Variants in SNTG1 observed in about 807,000 individuals in gnomAD.
SNTG1 encodes gamma-1-syntrophin.
In SNTG1, 39 loss-of-function variants were observed where a neutral mutation model predicts 74.7. The ratio of observed to expected loss-of-function variants is 0.52; its 90% confidence interval spans 0.40 to 0.68. SNTG1 has a LOEUF of 0.68. SNTG1 is among the 30% of genes least tolerant of loss of function. SNTG1 has a pLI of 0.00. For missense variants in SNTG1, 685 were observed against 609.5 expected (o/e 1.12, Z -1.30); for synonymous variants, 254 against 217.1 (o/e 1.17, Z -1.49).
At chr8:50,018,809 T>C (rs187693215) in intron 1 of SNTG1, among the ~76,000 whole-genome samples, 2 of 152,114 alleles carry the variant, frequency 1.3e-5, no homozygotes. Context: ...AAGATGGTTA[T>C]AAACAAAGAA....
At chr8:50,512,151 A>G (rs1316717138) in intron 9 of SNTG1, among the ~76,000 whole-genome samples, 2 of 151,830 alleles carry the variant, frequency 1.3e-5, no homozygotes, top group Non-Finnish European at 2.9e-5. Flanking sequence ...TCTGTAAAGT[A>G]TTTTATTTCT....
chr8:50,594,006 C>T (rs2094710295), intron 13 of SNTG1, among the ~76,000 whole-genome samples: 1 of 152,190 alleles, frequency 6.6e-6, no homozygotes, highest in African/African-American at 2.4e-5. Context: ...GCATGAGCCA[C>T]AACACCCAAC....
rs142807298 is a variant in SNTG1 at position 50,299,708 on chromosome 8, G to A, written c.-27-94504G>A. 6.0e-3 allele frequency among the ~76,000 whole-genome samples: 919 copies of A among 152,070 alleles called. 40 individuals are homozygous for A. The highest frequency in any genetic ancestry group is 0.056 in the Admixed American group (852 of 15,246). On this transcript the variant is annotated intron_variant, in intron 2 of 18. Coordinates refer to ENST00000642720, the MANE Select transcript of SNTG1 (RefSeq NM_018967.5). Reference sequence around the variant, plus strand: ...TATTAGAGAGGGATTTTACATTTTTGTACTAAACCTTGTCTGTACCATATT... The same window carrying A: ...TATTAGAGAGGGATTTTACATTTTTATACTAAACCTTGTCTGTACCATATT...
intron 13 of SNTG1, among the ~76,000 whole-genome samples, chr8:50,614,536 G>C (rs1419572949): frequency 6.6e-6 from 1 of 152,054 alleles, no homozygotes; most frequent in African/African-American, 2.4e-5. Flanking sequence ...TTGACGTATA[G>C]TAGAATGCTA....
intron 2 of SNTG1, among the ~76,000 whole-genome samples, chr8:50,176,120 G>GT (rs1021423994): frequency 2.3e-4 from 35 of 151,592 alleles, no homozygotes; most frequent in South Asian, 4.2e-4. Context: ...TTAATACATA[G>GT]TTTTTTTTTG....
chr8:50,353,135 C>T (rs1382654651), intron 2 of SNTG1, among the ~76,000 whole-genome samples: 1 of 151,950 alleles, frequency 6.6e-6, no homozygotes, highest in Non-Finnish European at 1.5e-5. Flanking sequence ...AACCATCATT[C>T]TGAGCAAACT....
chr8:50,628,056 C>T (rs901905765), intron 13 of SNTG1, among the ~76,000 whole-genome samples: 6 of 152,156 alleles, frequency 3.9e-5, no homozygotes, highest in Non-Finnish European at 8.8e-5. Flanking sequence ...CTGAAGCTGC[C>T]TAGGGGCTAC....
chr8:49,967,996 G>T (rs1475958630), intron 1 of SNTG1, among the ~76,000 whole-genome samples: 1 of 152,120 alleles, frequency 6.6e-6, no homozygotes, highest in East Asian at 1.9e-4. Context: ...ATCCTTCAGT[G>T]TCTTGCAGTA....
intron 1 of SNTG1, among the ~76,000 whole-genome samples, chr8:50,002,107 T>C (rs1814794209): frequency 6.6e-6 from 1 of 152,180 alleles, no homozygotes; most frequent in Admixed American, 6.6e-5. Context: ...GTCTTATTAC[T>C]GAATCTCTAG....
At chr8:50,548,521 T>C (rs1177547063) in intron 11 of SNTG1, among the ~76,000 whole-genome samples, 1 of 152,170 alleles carries the variant, frequency 6.6e-6, no homozygotes, top group East Asian at 1.9e-4. Flanking sequence ...ATGGACTTGT[T>C]TGTTTTTGTT....
chr8:50,553,258 T>A, intron 12 of SNTG1, 79 bp downstream of exon 12: 3 of 1,535,952 alleles, frequency 2.0e-6, no homozygotes, highest in Non-Finnish European at 2.7e-6. Context: ...TAACTTCACA[T>A]CAACTGTTTG....
chr8:50,780,666 T>A (rs2095656502), intron 18 of SNTG1, among the ~76,000 whole-genome samples: 1 of 152,096 alleles, frequency 6.6e-6, no homozygotes, highest in Admixed American at 6.6e-5. Context: ...TCCTGGATTC[T>A]TTAATTTTTT....
chr8:50,781,783 C>T (rs911778483), intron 18 of SNTG1, among the ~76,000 whole-genome samples: 1 of 152,160 alleles, frequency 6.6e-6, no homozygotes, highest in Non-Finnish European at 1.5e-5. Context: ...TTCGTTGATG[C>T]AGTTTCTTCC....
rs1161184080 is a variant in SNTG1, at chr8:50,317,055, A to G, written c.-27-77157A>G. ...TGAGTGATTGTCACTGAAGCCCAAG[A>G]TAAATGGGGAGGAGAAGGAAAAGCT... On this transcript the variant is annotated intron_variant, in intron 2 of 18. Coordinates refer to ENST00000642720, the MANE Select transcript of SNTG1 (RefSeq NM_018967.5). 2.6e-5 allele frequency among the ~76,000 whole-genome samples: 4 copies of G among 152,332 alleles called. No individual in the cohort carries two copies. In the East Asian group the frequency reaches 7.7e-4, roughly 29 times the overall value.
intron 2 of SNTG1, among the ~76,000 whole-genome samples, chr8:50,369,772 T>C (rs1275900421): frequency 6.6e-6 from 1 of 152,092 alleles, no homozygotes; most frequent in Non-Finnish European, 1.5e-5. Flanking sequence ...GAGTGATACA[T>C]TTTTGTTGTT....
intron 1 of SNTG1, among the ~76,000 whole-genome samples, chr8:50,154,570 A>ATG: frequency 6.6e-6 from 1 of 152,186 alleles, no homozygotes; most frequent in Admixed American, 6.5e-5. Context: ...GGCAAGGTAT[A>ATG]TGTTACCAGA....
In SNTG1 at chr8:50,373,806, T is replaced by C. The variant is rs117200191; in HGVS notation, c.-27-20406T>C. ...TGGTGACAATAACTGTGAAGTCACC[T>C]GGGCTATGTTAAGGCTGACTCCACA... is the stretch of plus-strand genomic sequence containing the variant. On this transcript the variant is annotated intron_variant, in intron 2 of 18. Coordinates refer to ENST00000642720, the MANE Select transcript of SNTG1 (RefSeq NM_018967.5). Among the ~76,000 whole-genome samples, 1,231 of 152,220 alleles carry C rather than the reference T, an allele frequency of 8.1e-3. 10 individuals are homozygous for C. Among genetic ancestry groups the C allele is most frequent in the Non-Finnish European group, 0.01 (706 of 68,014 alleles).
chr8:50,607,935 A>T (rs2094824389), intron 13 of SNTG1, among the ~76,000 whole-genome samples: 1 of 151,622 alleles, frequency 6.6e-6, no homozygotes, highest in South Asian at 2.1e-4. Flanking sequence ...TAGTTTCTTA[A>T]TTTGCCTGTA....
intron 15 of SNTG1, among the ~76,000 whole-genome samples, chr8:50,660,426 G>GAAAGGAAGAAAGAAAGAAAGAAAGAAAGA (rs373288755): frequency 1.4e-5 from 1 of 72,736 alleles, no homozygotes; most frequent in African/African-American, 3.4e-5. Flanking sequence ...AAGAAAGAAA[G>GAAAGGAAGAAAGAAAGAAAGAAAGAAAGA]AAGAAAGAAA....
Sources: gnomAD v4.1 joint callset for allele counts (sites outside exome capture counted in the v4.1 genomes callset) on GRCh38, gnomAD v4.1.1 for gene constraint, MANE v1.5 for transcripts, NCBI Gene and HGNC (gene_info 2026-07-23, HGNC 2026-07-21) for gene names.